The following ADARB2 variants were observed in gnomAD, a reference collection of about 807,000 sequenced individuals.
The protein encoded by ADARB2 is adenosine deaminase RNA specific B2 (inactive), also known as inactive double-stranded RNA-specific editase B2.
ADARB2 carries 25 observed loss-of-function variants against 62.2 expected under a neutral mutation model. That is an observed-to-expected ratio of 0.40 (90% CI 0.29 to 0.56). ADARB2 has a LOEUF of 0.56. ADARB2 is among the 20% of genes least tolerant of loss of function. The probability of loss-of-function intolerance (pLI) is 0.43; values close to 1 mark genes in which losing one functional copy is unlikely to be tolerated. For missense variants in ADARB2, 1,071 were observed against 1,077.4 expected (o/e 0.99, Z 0.08); for synonymous variants, 572 against 500.8 (o/e 1.14, Z -1.90).
chr10:1,665,018 C>A (rs115619565), intron 1 of ADARB2, among the ~76,000 whole-genome samples: 6 of 152,092 alleles, frequency 3.9e-5, no homozygotes, highest in African/African-American at 1.4e-4. Flanking sequence ...TGAGTCATGC[C>A]GACACCTTGA....
At chr10:1,376,352 A>T (rs1409436006) in intron 2 of ADARB2, among the ~76,000 whole-genome samples, 5 of 152,234 alleles carry the variant, frequency 3.3e-5, no homozygotes, top group African/African-American at 1.2e-4. Context: ...GTTACCTCTA[A>T]GTTTCTACCC....
At chr10:1,216,780 G>T in intron 7 of ADARB2, 171 bp downstream of exon 7, 1 of 909,448 alleles carries the variant, frequency 1.1e-6, no homozygotes, top group Non-Finnish European at 1.6e-6. Flanking sequence ...GCCTCAGGGT[G>T]TGGGACTGAA....
In ADARB2 at chr10:1,401,431, G is replaced by A. The variant is rs117520992; in HGVS notation, c.101-22271C>T. 3.9e-3 allele frequency among the ~76,000 whole-genome samples: 595 copies of A among 152,272 alleles called. 10 individuals are homozygous for A. The highest frequency in any genetic ancestry group is 0.025 in the Admixed American group (379 of 15,296). On this transcript the variant is annotated intron_variant, in intron 1 of 9. Transcript: ENST00000381312. ...TGGGTTCTGGGGTTTCACAGCACAC[G>A]GGTACCCCCGGTTCCAGGACTGACC... is the stretch of plus-strand genomic sequence containing the variant.
chr10:1,510,249 C>T (rs919555370), intron 1 of ADARB2, among the ~76,000 whole-genome samples: 3 of 151,424 alleles, frequency 2.0e-5, no homozygotes, highest in Non-Finnish European at 2.9e-5. Flanking sequence ...GGCACAATCT[C>T]GGCTCACTGC....
chr10:1,352,493 G>A (rs1832153345), intron 3 of ADARB2, among the ~76,000 whole-genome samples: 1 of 152,068 alleles, frequency 6.6e-6, no homozygotes, highest in Admixed American at 6.6e-5. Context: ...CTGTGCAGTC[G>A]GAATTCTTAC....
intron 1 of ADARB2, among the ~76,000 whole-genome samples, chr10:1,459,819 G>A (rs1171576230): frequency 5.3e-5 from 8 of 152,236 alleles, no homozygotes; most frequent in Admixed American, 5.2e-4. Flanking sequence ...ACACACTGGG[G>A]TTGTTGGAGG....
chr10:1,207,106 G>A (rs1837078678), intron 7 of ADARB2, among the ~76,000 whole-genome samples: 1 of 152,228 alleles, frequency 6.6e-6, no homozygotes, highest in Non-Finnish European at 1.5e-5. Context: ...CAGCACTTTG[G>A]GAGGCTGAGG....
chr10:1,486,489 C>T (rs1055947483), intron 1 of ADARB2, among the ~76,000 whole-genome samples: 2 of 152,166 alleles, frequency 1.3e-5, no homozygotes, highest in African/African-American at 4.8e-5. Flanking sequence ...TCTTTAGGGA[C>T]TGGCTGTGTC....
At chr10:1,310,819 T>G (rs563993810) in intron 3 of ADARB2, among the ~76,000 whole-genome samples, 1 of 152,208 alleles carries the variant, frequency 6.6e-6, no homozygotes, top group African/African-American at 2.4e-5. Context: ...GGAGACAGGA[T>G]TGTAAAGACA....
At chr10:1,208,453 G>C (rs4880789) in intron 7 of ADARB2, among the ~76,000 whole-genome samples, 1 of 152,106 alleles carries the variant, frequency 6.6e-6, no homozygotes, top group African/African-American at 2.4e-5. Context: ...GGGTGTGTCT[G>C]TCCCTGGCCC....
intron 1 of ADARB2, among the ~76,000 whole-genome samples, chr10:1,438,004 G>A (rs1435771558): frequency 3.3e-5 from 5 of 152,152 alleles, no homozygotes; most frequent in South Asian, 2.1e-4. Context: ...GAACCGCTTC[G>A]TCCCCTTCCC....
At position 1,517,063 on chromosome 10, in the gene ADARB2, G is replaced by A. The variant is rs558383788; in HGVS notation, c.101-137903C>T. On this transcript the variant is annotated intron_variant, in intron 1 of 9. Transcript: ENST00000381312. ...ATCCCAGCGGTCGTGGCGTCAGGCC[G>A]CCTGCTCACTGGAGGGAGGATTTCC... 7.9e-5 allele frequency among the ~76,000 whole-genome samples: 12 copies of A among 152,328 alleles called. No individual in the cohort carries two copies. In the East Asian group the frequency reaches 1.7e-3, roughly 22 times the overall value.
At chr10:1,452,307 CTTGGGT>C (rs2131902569) in intron 1 of ADARB2, among the ~76,000 whole-genome samples, 1 of 152,192 alleles carries the variant, frequency 6.6e-6, no homozygotes, top group East Asian at 1.9e-4. Context: ...AGCTCTGTGT[CTTGGGT>C]TTGAATAATT....
chr10:1,314,710 G>C (rs1831722128), intron 3 of ADARB2, among the ~76,000 whole-genome samples: 1 of 152,196 alleles, frequency 6.6e-6, no homozygotes, highest in Non-Finnish European at 1.5e-5. Flanking sequence ...CCTGACGGGA[G>C]AGGGGCCCCT....
intron 1 of ADARB2, among the ~76,000 whole-genome samples, chr10:1,403,965 G>A (rs1436946521): frequency 6.6e-6 from 1 of 152,098 alleles, no homozygotes. Context: ...CAGGCCAGTA[G>A]TTGTGGGGAG....
In ADARB2 at chr10:1,211,499, T is replaced by TA. The variant is rs540655450; in HGVS notation, c.1682+5451dup. Among the ~76,000 whole-genome samples the TA allele has an allele frequency of 3.3e-5, 5 of 152,318 alleles. No individual in the cohort carries two copies. In the East Asian group the frequency reaches 9.6e-4, roughly 29 times the overall value. On this transcript the variant is annotated intron_variant, in intron 7 of 9. Transcript: ENST00000381312. ...ACAAGGTCCCCACCTGCCAGAAGCT[T>TA]AGAGTTTGGTGGGAAGCATGGATTC...
intron 1 of ADARB2, among the ~76,000 whole-genome samples, chr10:1,596,764 C>T (rs750501814): frequency 5.3e-5 from 8 of 152,112 alleles, no homozygotes; most frequent in Admixed American, 2.0e-4. Context: ...CTGTGGGGTC[C>T]GTGGGGTCTA....
intron 3 of ADARB2, among the ~76,000 whole-genome samples, chr10:1,271,420 G>A (rs527777142): frequency 6.6e-6 from 1 of 152,276 alleles, no homozygotes; most frequent in East Asian, 1.9e-4. Context: ...AATTTTTATA[G>A]GGATGATGGG....
chr10:1,704,076 C>A lies in ADARB2; in HGVS notation c.100+32975G>T, dbSNP rs1380709248. Among the ~76,000 whole-genome samples, 1 of 152,182 alleles carries A rather than the reference C, an allele frequency of 6.6e-6. No homozygotes were observed. Among genetic ancestry groups the A allele is most frequent in the African/African-American group, 2.4e-5 (1 of 41,416 alleles). The stretch of plus-strand genomic sequence containing the variant: ...AAGAACAAACACTATATCTAACTTC[C>A]TGTGGGTCAGGAATCCAGGAGCAGC... On this transcript the variant is annotated intron_variant, in intron 1 of 9. Coordinates refer to ENST00000381312, the MANE Select transcript of ADARB2 (RefSeq NM_018702.4). This position sits in a 1 kb window ranked among gnomAD's most constrained non-coding sequence, Gnocchi z 5.6.
Sources: gnomAD v4.1 joint callset for allele counts (sites outside exome capture counted in the v4.1 genomes callset) on GRCh38, gnomAD v4.1.1 for gene constraint, Gnocchi (gnomAD v3.1) non-coding constraint, MANE v1.5 for transcripts, NCBI Gene and HGNC (gene_info 2026-07-23, HGNC 2026-07-21) for gene names.